Variants in DSCAM observed in about 807,000 individuals in gnomAD.
DSCAM encodes cell adhesion molecule DSCAM.
A neutral mutation model predicts 217.7 loss-of-function variants in DSCAM; 47 were observed. The observed-to-expected ratio is 0.22, with a 90% confidence interval of 0.17 to 0.28. The LOEUF (loss-of-function observed/expected upper bound fraction) is 0.28. Among genes scored for constraint, DSCAM ranks in the 10% least tolerant of loss-of-function variants. DSCAM has a pLI of 1.00. For synonymous variants in DSCAM, 1,056 were observed against 1,015.3 expected, an observed-to-expected ratio of 1.04 and a Z score of -0.76; for missense variants, 2,080 against 2,618.3, an observed-to-expected ratio of 0.79 and a Z score of 4.49.
chr21:40,386,937 G>A (rs1205005145), intron 3 of DSCAM, among the ~76,000 whole-genome samples: 2 of 151,974 alleles, frequency 1.3e-5, no homozygotes, highest in Admixed American at 6.6e-5. Context: ...CTCATGAAAT[G>A]TATGTCAGAT....
At chr21:40,568,821 G>C (rs2076784534) in intron 3 of DSCAM, among the ~76,000 whole-genome samples, 2 of 152,170 alleles carry the variant, frequency 1.3e-5, no homozygotes, top group Non-Finnish European at 2.9e-5. Flanking sequence ...AGCTCACTCA[G>C]GGCAGGCTAG....
rs2090069724 is a variant in DSCAM at position 40,124,267 on chromosome 21, G to A, written c.3624C>T (p.Ser1208=). ...AAASASMVFV[S]WLPPLKLNGI... ...CGTTCAGCTTGAGAGGGGGAAGCCA[G>A]GACACAAAGACCATGGAGGCTGAGG... Residue 1208 remains serine, a synonymous_variant, in exon 20 of 33, where the codon TCC becomes TCT. Transcript: ENST00000400454. The A allele has an allele frequency of 6.2e-7, 1 of 1,613,878 alleles. No homozygotes were observed. The highest frequency in any genetic ancestry group is 1.3e-5 in the African/African-American group (1 of 74,890).
At chr21:40,150,823 G>T (rs909586781) in intron 16 of DSCAM, among the ~76,000 whole-genome samples, 20 of 152,186 alleles carry the variant, frequency 1.3e-4, no homozygotes, top group Non-Finnish European at 2.4e-4. Context: ...ATAGGGAAAT[G>T]ATCTTTAGAA....
At chr21:40,574,635 G>C (rs940816556) in intron 3 of DSCAM, among the ~76,000 whole-genome samples, 2 of 151,856 alleles carry the variant, frequency 1.3e-5, no homozygotes, top group Non-Finnish European at 2.9e-5. Context: ...GTCTTAGGTA[G>C]TGCAGTAGGG....
intron 8 of DSCAM, among the ~76,000 whole-genome samples, chr21:40,314,598 A>T (rs1029627584): frequency 1.3e-5 from 2 of 152,222 alleles, no homozygotes; most frequent in African/African-American, 4.8e-5. Flanking sequence ...TGCTCACTAT[A>T]TATGTAAATA....
chr21:40,685,145 A>G (rs2090459225), intron 3 of DSCAM, among the ~76,000 whole-genome samples: 1 of 152,228 alleles, frequency 6.6e-6, no homozygotes, highest in Non-Finnish European at 1.5e-5. Flanking sequence ...TTTCTCCAGC[A>G]TTTCATGATG....
chr21:40,368,363 A>C (rs189415583), intron 4 of DSCAM, among the ~76,000 whole-genome samples: 166 of 152,340 alleles, frequency 1.1e-3, no homozygotes, highest in African/African-American at 3.5e-3. Context: ...CTATAAAAGC[A>C]AGGGAGAAAA....
chr21:40,055,000 G>T (rs1394273049), intron 29 of DSCAM, among the ~76,000 whole-genome samples: 2 of 152,184 alleles, frequency 1.3e-5, no homozygotes, highest in East Asian at 3.9e-4. Context: ...ATTATTACTG[G>T]AAAGGAAATA....
chr21:40,541,365 C>T (rs1015346937), intron 3 of DSCAM, among the ~76,000 whole-genome samples: 8 of 152,082 alleles, frequency 5.3e-5, no homozygotes, highest in Admixed American at 1.3e-4. Flanking sequence ...AAATAAAGTG[C>T]GTGCTAGTAA....
chr21:40,028,680 G>A (rs868000626), intron 32 of DSCAM, among the ~76,000 whole-genome samples: 34 of 152,196 alleles, frequency 2.2e-4, no homozygotes, highest in Non-Finnish European at 4.3e-4. Flanking sequence ...TGCTTCCCGA[G>A]TGAGGCAATG....
At chr21:40,142,765 C>T (rs1053823162) in intron 17 of DSCAM, 61 bp from the exon 18 acceptor site, 48 of 1,479,474 alleles carry the variant, frequency 3.2e-5, no homozygotes, top group Admixed American at 1.3e-4. Flanking sequence ...AAGCAATAAC[C>T]GAAAAAGCAA....
chr21:40,566,707 G>GA lies in DSCAM; in HGVS notation c.508+126102dup, dbSNP rs543711508. 1.5e-4 allele frequency among the ~76,000 whole-genome samples: 23 copies of GA among 151,932 alleles called. 1 individual carries two copies. In the South Asian group the frequency reaches 4.6e-3, roughly 30 times the overall value. ...CAGTGGGCTGATGCCACATTTCTTT[G>GA]AAAAAAAGTCTGCTAGGAAGAGAAG... On this transcript the variant is annotated intron_variant, in intron 3 of 32. Transcript: ENST00000400454.
At chr21:40,508,760 TATATATATATATATATATA>T (rs1568862978) in intron 3 of DSCAM, among the ~76,000 whole-genome samples, 10 of 5,084 alleles carry the variant, frequency 2.0e-3, no homozygotes, top group African/African-American at 3.6e-3. Context: ...TATATATATA[TATATATATATATATATATA>T]TATATTTTTT....
At chr21:40,038,287 CCAGAATCTA>C (rs1568904921) in intron 32 of DSCAM, among the ~76,000 whole-genome samples, 1 of 84,376 alleles carries the variant, frequency 1.2e-5, no homozygotes, top group Admixed American at 1.4e-4. Context: ...GGGCTAATAT[CCAGAATCTA>C]CAATGAACTC....
intron 3 of DSCAM, among the ~76,000 whole-genome samples, chr21:40,541,400 C>T (rs1224160939): frequency 6.6e-6 from 1 of 152,052 alleles, no homozygotes; most frequent in Admixed American, 6.5e-5. Flanking sequence ...ATATTTGAAA[C>T]ACACGAGAAT....
At chr21:40,814,228 G>A (rs926544503) in intron 1 of DSCAM, among the ~76,000 whole-genome samples, 1 of 152,208 alleles carries the variant, frequency 6.6e-6, no homozygotes, top group Non-Finnish European at 1.5e-5. Context: ...ATTCTCCTGC[G>A]CATGAAGAAC....
chr21:40,214,746 A>G (rs1305901071), intron 11 of DSCAM, among the ~76,000 whole-genome samples: 1 of 151,526 alleles, frequency 6.6e-6, no homozygotes, highest in African/African-American at 2.4e-5. Flanking sequence ...AAAAAAAAAA[A>G]AAAAAACAAA....
chr21:40,491,064 T>A (rs1016732256), intron 3 of DSCAM, among the ~76,000 whole-genome samples: 1 of 152,338 alleles, frequency 6.6e-6, no homozygotes, highest in Admixed American at 6.5e-5. Context: ...TGTTTTAAGA[T>A]GTTTGTAAAA....
chr21:40,523,041 T>C (rs1207571944), intron 3 of DSCAM, among the ~76,000 whole-genome samples: 1 of 152,230 alleles, frequency 6.6e-6, no homozygotes, highest in African/African-American at 2.4e-5. Flanking sequence ...TTTGTTGACC[T>C]TGGAGAAATA....
Sources: gnomAD v4.1 joint callset for allele counts (sites outside exome capture counted in the v4.1 genomes callset) on GRCh38, gnomAD v4.1.1 for gene constraint, MANE v1.5 for transcripts, NCBI Gene and HGNC (gene_info 2026-07-23, HGNC 2026-07-21) for gene names.